Variants in NAALADL2 observed in about 807,000 individuals in gnomAD.
NAALADL2 encodes inactive N-acetylated-alpha-linked acidic dipeptidase-like protein 2.
In NAALADL2, 76 loss-of-function variants were observed where a neutral mutation model predicts 87.2. The ratio of observed to expected loss-of-function variants is 0.87; its 90% CI spans 0.72 to 1.05. NAALADL2 has a LOEUF of 1.05. Ranked by LOEUF, NAALADL2 falls within the 50% of genes least tolerant of loss-of-function variation. The pLI, the probability that NAALADL2 is intolerant of heterozygous loss-of-function variation, is 0.00. For missense variants in NAALADL2, 1,089 were observed against 945.8 expected (o/e 1.15, Z -1.99); for synonymous variants, 354 against 331.0 (o/e 1.07, Z -0.75).
chr3:174,920,479 T>A (rs1350449865), intron 1 of NAALADL2, among the ~76,000 whole-genome samples: 1 of 152,194 alleles, frequency 6.6e-6, no homozygotes, highest in Non-Finnish European at 1.5e-5. Context: ...TTCTTCTGTA[T>A]CTTCCTCACC....
At chr3:175,693,348 G>T (rs757476181) in intron 11 of NAALADL2, among the ~76,000 whole-genome samples, 1 of 152,020 alleles carries the variant, frequency 6.6e-6, no homozygotes, top group African/African-American at 2.4e-5. Context: ...ATTTGATATG[G>T]CTAAATTCCA....
chr3:175,199,080 C>G (rs1255135529), intron 2 of NAALADL2, among the ~76,000 whole-genome samples: 1 of 152,044 alleles, frequency 6.6e-6, no homozygotes, highest in Non-Finnish European at 1.5e-5. Flanking sequence ...AATTATTTTG[C>G]CTTTGAAACG....
At chr3:174,521,272 G>A (rs904735711) in intron 1 of NAALADL2, among the ~76,000 whole-genome samples, 2 of 152,168 alleles carry the variant, frequency 1.3e-5, no homozygotes, top group Admixed American at 1.3e-4. Flanking sequence ...ATCAACAGTT[G>A]CATGGATAAA....
At chr3:175,411,349 A>G (rs9878576) in intron 5 of NAALADL2, among the ~76,000 whole-genome samples, 121,010 of 152,054 alleles carry the variant, frequency 0.8, 48,285 homozygotes, top group Middle Eastern at 0.86. Context: ...GCAAAAATTC[A>G]GGAAGAGGGA....
intron 9 of NAALADL2, among the ~76,000 whole-genome samples, chr3:175,496,961 T>A (rs1728903865): frequency 6.6e-6 from 1 of 152,178 alleles, no homozygotes; most frequent in Admixed American, 6.5e-5. Flanking sequence ...AATATTATTA[T>A]AACTTGACTT....
At chr3:174,744,143 T>A (rs1297308345) in intron 3 of NAALADL2, among the ~76,000 whole-genome samples, 1 of 151,894 alleles carries the variant, frequency 6.6e-6, no homozygotes, top group Non-Finnish European at 1.5e-5. Flanking sequence ...GAATATGTTA[T>A]GTTACATGAT....
intron 2 of NAALADL2, among the ~76,000 whole-genome samples, chr3:174,591,636 G>T (rs7648516): frequency 0.02 from 3,000 of 152,234 alleles, 98 homozygotes; most frequent in African/African-American, 0.067. Flanking sequence ...AAAGGCCATT[G>T]CAGAAATTTT....
chr3:175,269,078 A>G (rs1262436514), intron 4 of NAALADL2, among the ~76,000 whole-genome samples: 1 of 151,694 alleles, frequency 6.6e-6, no homozygotes, highest in Non-Finnish European at 1.5e-5. Context: ...AGCTAGGATT[A>G]CAGATGTGTG....
intron 5 of NAALADL2, among the ~76,000 whole-genome samples, chr3:175,347,888 C>G (rs958336515): frequency 4.6e-5 from 7 of 152,052 alleles, no homozygotes; most frequent in African/African-American, 1.4e-4. Context: ...CTCCTCTAGC[C>G]GTGCAACCTC....
At position 174,953,393 on chromosome 3, in the gene NAALADL2, C is replaced by T. The variant is rs146872252; in HGVS notation, c.43+93943C>T. Among the ~76,000 whole-genome samples, 36 of 140,022 alleles carry T rather than the reference C, an allele frequency of 2.6e-4. No individual in the cohort carries two copies. In the South Asian group the frequency reaches 3.7e-3, roughly 14 times the overall value. 91.9% of individuals were successfully genotyped at this position (140,022 alleles called of 152,430 possible). A position where few individuals can be genotyped will look rare whatever the true frequency, so the allele number is the denominator to read the frequency against. On this transcript the variant is annotated intron_variant, in intron 1 of 13. Coordinates refer to ENST00000454872, the MANE Select transcript of NAALADL2 (RefSeq NM_207015.3). ...GTAAATCATTATTAAATACCTACTACGTGTCAGGCATAGTCCTAGGCACTA... is the reference window on the plus strand; with the variant it reads ...GTAAATCATTATTAAATACCTACTATGTGTCAGGCATAGTCCTAGGCACTA...
intron 1 of NAALADL2, among the ~76,000 whole-genome samples, chr3:175,078,028 CTTTTTTTTT>C (rs58379991): frequency 7.0e-6 from 1 of 143,854 alleles, no homozygotes; most frequent in Non-Finnish European, 1.5e-5. Context: ...TCTTTTCTTT[CTTTTTTTTT>C]TTTTCTTGAG....
chr3:174,607,887 C>G (rs558120830), intron 2 of NAALADL2, among the ~76,000 whole-genome samples: 1 of 151,918 alleles, frequency 6.6e-6, no homozygotes, highest in East Asian at 1.9e-4. Flanking sequence ...CACACCACAC[C>G]TATTCCAAAA....
intron 1 of NAALADL2, among the ~76,000 whole-genome samples, chr3:174,956,490 T>C (rs1031728054): frequency 5.7e-4 from 86 of 152,192 alleles, no homozygotes; most frequent in African/African-American, 1.9e-3. Flanking sequence ...TTTTATCTCC[T>C]ATAAAATAAT....
intron 5 of NAALADL2, among the ~76,000 whole-genome samples, chr3:175,365,410 A>G (rs1317396207): frequency 6.8e-6 from 1 of 147,802 alleles, no homozygotes; most frequent in Non-Finnish European, 1.5e-5. Flanking sequence ...GAGAAAACTG[A>G]TCCGAATTCA....
At chr3:175,491,180 AATAGTATTTTATTGTCC>A (rs1560641527) in intron 9 of NAALADL2, among the ~76,000 whole-genome samples, 3 of 42,720 alleles carry the variant, frequency 7.0e-5, no homozygotes, top group Non-Finnish European at 8.2e-5. Flanking sequence ...TGTCCTATAA[AATAGTATTTTATTGTCC>A]TATAAATATA....
intron 2 of NAALADL2, among the ~76,000 whole-genome samples, chr3:175,171,435 T>C (rs1734794486): frequency 6.6e-6 from 1 of 152,076 alleles, no homozygotes; most frequent in Admixed American, 6.6e-5. Context: ...TAAACGGAGT[T>C]GTGTGTATAA....
chr3:174,622,606 A>C (rs914137462), intron 2 of NAALADL2, among the ~76,000 whole-genome samples: 1 of 152,194 alleles, frequency 6.6e-6, no homozygotes, highest in African/African-American at 2.4e-5. Context: ...ATTAATGCCT[A>C]TTTTCTATAT....
chr3:175,269,455 C>T (rs1752468508), intron 4 of NAALADL2, among the ~76,000 whole-genome samples: 1 of 152,180 alleles, frequency 6.6e-6, no homozygotes, highest in Non-Finnish European at 1.5e-5. Context: ...AACGTTAGGA[C>T]ACTCTGATGT....
chr3:175,094,712 C>A (rs1720796730), intron 1 of NAALADL2, among the ~76,000 whole-genome samples: 1 of 145,246 alleles, frequency 6.9e-6, no homozygotes, highest in South Asian at 2.2e-4. Context: ...ATATTTTAAT[C>A]TCTACACATA....
Sources: allele counts gnomAD v4.1 joint callset (sites outside exome capture counted in the v4.1 genomes callset), GRCh38; gene constraint gnomAD v4.1.1; transcripts MANE v1.5; gene names NCBI Gene and HGNC (gene_info 2026-07-23, HGNC 2026-07-21).